The following ADAMTS6 variants were observed in gnomAD, a reference collection of about 807,000 sequenced individuals.
ADAMTS6 encodes the protein ADAM metallopeptidase with thrombospondin type 1 motif 6, also known as A disintegrin and metalloproteinase with thrombospondin motifs 6.
In ADAMTS6, 23 loss-of-function variants were observed where a neutral mutation model predicts 144.3. That is an observed-to-expected ratio of 0.16 (90% CI 0.11 to 0.23). The LOEUF is 0.23. ADAMTS6 is among the 10% of genes least tolerant of loss of function. The pLI is 1.00. For synonymous variants in ADAMTS6, 444 were observed against 457.5 expected (o/e 0.97, Z 0.38); for missense variants, 999 against 1,379.6 (o/e 0.72, Z 4.37).
chr5:65,342,869 A>G (rs935863075), intron 7 of ADAMTS6, among the ~76,000 whole-genome samples: 1 of 152,186 alleles, frequency 6.6e-6, no homozygotes, highest in Non-Finnish European at 1.5e-5. Flanking sequence ...AGAATACAAA[A>G]TTAATGTACA....
At chr5:65,203,474 A>G (rs2112261320) in intron 20 of ADAMTS6, among the ~76,000 whole-genome samples, 1 of 152,290 alleles carries the variant, frequency 6.6e-6, no homozygotes, top group East Asian at 1.9e-4. Context: ...TTTTATTTAA[A>G]TTTTAGAGGA....
chr5:65,173,916 G>A (rs1753779634), intron 22 of ADAMTS6, among the ~76,000 whole-genome samples: 1 of 151,922 alleles, frequency 6.6e-6, no homozygotes, highest in Non-Finnish European at 1.5e-5. Flanking sequence ...CCAGCTACTT[G>A]GGAGGCTGAG....
intron 9 of ADAMTS6, among the ~76,000 whole-genome samples, chr5:65,310,280 T>G (rs1025822495): frequency 1.3e-5 from 2 of 152,106 alleles, no homozygotes; most frequent in African/African-American, 2.4e-5. Context: ...TTCTTTTATT[T>G]AGAAATTACC....
intron 7 of ADAMTS6, among the ~76,000 whole-genome samples, chr5:65,417,300 T>C (rs1179294020): frequency 1.3e-5 from 2 of 152,094 alleles, no homozygotes; most frequent in Non-Finnish European, 1.5e-5. Flanking sequence ...CTGGAAGCAT[T>C]CCCCTTGAGA....
At chr5:65,281,516 T>C (rs1762987898) in intron 11 of ADAMTS6, among the ~76,000 whole-genome samples, 1 of 152,104 alleles carries the variant, frequency 6.6e-6, no homozygotes, top group Admixed American at 6.5e-5. Context: ...TATCAACACT[T>C]GGGTGTGGAT....
At chr5:65,270,949 C>T (rs62369615) in intron 12 of ADAMTS6, among the ~76,000 whole-genome samples, 7,206 of 152,042 alleles carry the variant, frequency 0.047, 243 homozygotes, top group Non-Finnish European at 0.071. Context: ...TATTAGAATT[C>T]TATAGACTTC....
intron 11 of ADAMTS6, among the ~76,000 whole-genome samples, chr5:65,289,576 A>G (rs962767884): frequency 1.3e-5 from 2 of 152,198 alleles, no homozygotes; most frequent in Non-Finnish European, 2.9e-5. Flanking sequence ...GTAAAAATAT[A>G]TAATTTTGTA....
At chr5:65,382,965 G>A (rs1242178526) in intron 7 of ADAMTS6, among the ~76,000 whole-genome samples, 3 of 152,078 alleles carry the variant, frequency 2.0e-5, no homozygotes, top group Non-Finnish European at 4.4e-5. Context: ...CTTCCTAAAT[G>A]GCAATTGTTT....
chr5:65,292,729 C>T (rs946907643), intron 10 of ADAMTS6, among the ~76,000 whole-genome samples: 27 of 152,000 alleles, frequency 1.8e-4, no homozygotes, highest in African/African-American at 6.5e-4. Flanking sequence ...TCATGCCCTC[C>T]TGATTTTTTA....
At chr5:65,208,354 A>G (rs1284413238) in intron 20 of ADAMTS6, among the ~76,000 whole-genome samples, 3 of 152,208 alleles carry the variant, frequency 2.0e-5, no homozygotes, top group African/African-American at 2.4e-5. Flanking sequence ...GGGTGGGGAC[A>G]AAGTATCATC....
At chr5:65,303,590 T>A (rs991644360) in intron 9 of ADAMTS6, among the ~76,000 whole-genome samples, 1 of 151,976 alleles carries the variant, frequency 6.6e-6, no homozygotes, top group East Asian at 1.9e-4. Context: ...AACTTTCATA[T>A]ACATGTTTTT....
intron 8 of ADAMTS6, 45 bp from the exon 9 acceptor site, chr5:65,329,528 C>G (rs1561430890): frequency 6.5e-7 from 1 of 1,530,082 alleles, no homozygotes; most frequent in Non-Finnish European, 8.9e-7. Flanking sequence ...CAAGGTGTTT[C>G]AGTCTTTAAA....
At chr5:65,264,792 A>G (rs1441745098) in intron 12 of ADAMTS6, among the ~76,000 whole-genome samples, 2 of 152,188 alleles carry the variant, frequency 1.3e-5, no homozygotes, top group Admixed American at 1.3e-4. Flanking sequence ...ATTGGAAACA[A>G]TGAATGCCTA....
intron 7 of ADAMTS6, among the ~76,000 whole-genome samples, chr5:65,369,478 G>A (rs1750635541): frequency 6.6e-6 from 1 of 150,588 alleles, no homozygotes; most frequent in South Asian, 2.1e-4. Context: ...TTTTGGCTGG[G>A]CATTCACATC....
intron 1 of ADAMTS6, 30 bp downstream of exon 1, chr5:65,481,313 C>T (rs1026071857): frequency 5.3e-5 from 8 of 151,238 alleles, no homozygotes; most frequent in Non-Finnish European, 8.8e-5. Flanking sequence ...AAAAAAAAAG[C>T]TCCATTGAAT....
At chr5:65,382,550 G>C (rs1160110471) in intron 7 of ADAMTS6, among the ~76,000 whole-genome samples, 1 of 152,214 alleles carries the variant, frequency 6.6e-6, no homozygotes, top group Non-Finnish European at 1.5e-5. Flanking sequence ...ATTTCAAGAT[G>C]ATGACAAGAC....
At chr5:65,422,972 G>A (rs1756200025) in intron 7 of ADAMTS6, among the ~76,000 whole-genome samples, 1 of 152,064 alleles carries the variant, frequency 6.6e-6, no homozygotes, top group East Asian at 1.9e-4. Flanking sequence ...ACACACGCTG[G>A]AATACTATTC....
At chr5:65,267,208 A>C (rs369377093) in intron 12 of ADAMTS6, among the ~76,000 whole-genome samples, 1 of 152,208 alleles carries the variant, frequency 6.6e-6, no homozygotes, top group East Asian at 1.9e-4. Context: ...TTTAAACTAG[A>C]AAAGTTAAAT....
At chr5:65,448,287 C>A (rs745543954) in intron 7 of ADAMTS6, among the ~76,000 whole-genome samples, 1 of 151,946 alleles carries the variant, frequency 6.6e-6, no homozygotes, top group Non-Finnish European at 1.5e-5. Flanking sequence ...TGTAAATCAA[C>A]AAAATAAAAC....
Sources: allele counts gnomAD v4.1 joint callset (sites outside exome capture counted in the v4.1 genomes callset), GRCh38; gene constraint gnomAD v4.1.1; transcripts MANE v1.5; gene names NCBI Gene and HGNC (gene_info 2026-07-23, HGNC 2026-07-21).